The following SOX6 variants were observed in gnomAD, a reference collection of about 807,000 sequenced individuals.
The protein encoded by SOX6 is transcription factor SOX-6.
A neutral mutation model predicts 97.8 loss-of-function variants in SOX6; 11 were observed. The observed-to-expected ratio is 0.11, with a 90% CI of 0.07 to 0.19. The LOEUF is 0.19. Among genes scored for constraint, SOX6 ranks in the 10% least tolerant of loss-of-function variants. The probability of loss-of-function intolerance (pLI) is 1.00; values close to 1 mark genes in which losing one functional copy is unlikely to be tolerated. For synonymous variants in SOX6, 360 were observed against 371.4 expected, an observed-to-expected ratio of 0.97 and a Z score of 0.35; for missense variants, 810 against 1,039.5, an observed-to-expected ratio of 0.78 and a Z score of 3.04.
chr11:16,454,195 A>C (rs370678696), intron 1 of SOX6, among the ~76,000 whole-genome samples: 9 of 152,220 alleles, frequency 5.9e-5, no homozygotes, highest in Admixed American at 3.3e-4. Flanking sequence ...ATTATTTTTT[A>C]GCTCTCCAAG....
intron 3 of SOX6, among the ~76,000 whole-genome samples, chr11:16,651,677 G>A (rs1196740080): frequency 3.9e-5 from 6 of 152,104 alleles, no homozygotes; most frequent in African/African-American, 1.4e-4. Flanking sequence ...ATACTGAACA[G>A]GGAAAAATTG....
At chr11:15,980,618 G>C (rs1853626695) in intron 15 of SOX6, among the ~76,000 whole-genome samples, 1 of 151,902 alleles carries the variant, frequency 6.6e-6, no homozygotes, top group Non-Finnish European at 1.5e-5. Context: ...AAAGCCTTAG[G>C]CTGCTTCTTT....
At chr11:16,289,962 C>A (rs1001501845) in intron 3 of SOX6, among the ~76,000 whole-genome samples, 1 of 151,966 alleles carries the variant, frequency 6.6e-6, no homozygotes, top group Non-Finnish European at 1.5e-5. Flanking sequence ...GATATAAAGT[C>A]TTTTAACAAA....
At chr11:16,511,538 G>T (rs1860879901) in intron 4 of SOX6, among the ~76,000 whole-genome samples, 3 of 151,844 alleles carry the variant, frequency 2.0e-5, no homozygotes, top group Admixed American at 1.3e-4. Context: ...TTTTTTTAAT[G>T]TAGTACCTGA....
chr11:16,162,987 G>A (rs1408433396), intron 6 of SOX6, among the ~76,000 whole-genome samples: 1 of 151,802 alleles, frequency 6.6e-6, no homozygotes, highest in African/African-American at 2.4e-5. Context: ...ATTAAAGAAA[G>A]AAGAGAGTAG....
At chr11:16,110,764 C>A (rs1849210027) in intron 7 of SOX6, among the ~76,000 whole-genome samples, 1 of 152,144 alleles carries the variant, frequency 6.6e-6, no homozygotes, top group Non-Finnish European at 1.5e-5. Context: ...TGCTAAAATG[C>A]ACTAGGCTTG....
At chr11:16,040,202 C>T (rs1349525142) in intron 12 of SOX6, among the ~76,000 whole-genome samples, 1 of 151,956 alleles carries the variant, frequency 6.6e-6, no homozygotes, top group African/African-American at 2.4e-5. Flanking sequence ...ATTCCTACAC[C>T]TACACCTATC....
intron 4 of SOX6, among the ~76,000 whole-genome samples, chr11:16,233,430 T>A (rs1028042412): frequency 4.6e-5 from 7 of 152,172 alleles, no homozygotes; most frequent in Non-Finnish European, 1.0e-4. Context: ...ATTGGGATAG[T>A]CCACTTCTTA....
At chr11:16,594,907 G>T (rs935861297) in intron 4 of SOX6, among the ~76,000 whole-genome samples, 1 of 152,042 alleles carries the variant, frequency 6.6e-6, no homozygotes, top group East Asian at 1.9e-4. Context: ...TAGCCAGGAT[G>T]GTCTCAATCT....
intron 4 of SOX6, among the ~76,000 whole-genome samples, chr11:16,548,287 G>A (rs1439962747): frequency 1.3e-5 from 2 of 151,912 alleles, no homozygotes; most frequent in African/African-American, 4.8e-5. Flanking sequence ...TTCTTTAGAT[G>A]GAAAAAAAAT....
intron 3 of SOX6, among the ~76,000 whole-genome samples, chr11:16,260,899 G>C (rs1024534029): frequency 2.2e-4 from 34 of 151,950 alleles, no homozygotes; most frequent in African/African-American, 8.0e-4. Context: ...CAGTCTTATT[G>C]TACTGAAATT....
intron 1 of SOX6, among the ~76,000 whole-genome samples, chr11:16,473,614 T>G (rs1014002137): frequency 6.6e-6 from 1 of 150,530 alleles, no homozygotes; most frequent in Admixed American, 6.7e-5. Flanking sequence ...TGCAGTGGCA[T>G]GATCTTGGCT....
intron 1 of SOX6, among the ~76,000 whole-genome samples, chr11:16,737,310 G>T (rs1848399058): frequency 1.3e-5 from 2 of 152,096 alleles, no homozygotes; most frequent in Non-Finnish European, 1.5e-5. Context: ...GGGTTCAAGC[G>T]ATTCTCCTGC....
At chr11:16,361,702 A>G (rs1590158490) in intron 1 of SOX6, among the ~76,000 whole-genome samples, 1 of 152,164 alleles carries the variant, frequency 6.6e-6, no homozygotes, top group African/African-American at 2.4e-5. Flanking sequence ...ACTGACACAC[A>G]ACAGCTGTTT....
intron 4 of SOX6, among the ~76,000 whole-genome samples, chr11:16,556,444 C>T (rs1196797241): frequency 6.6e-6 from 1 of 151,744 alleles, no homozygotes; most frequent in African/African-American, 2.4e-5. Context: ...GCTTCAACTT[C>T]GTCCCTTGGC....
chr11:16,064,402 A>C (rs1453937991), intron 9 of SOX6, among the ~76,000 whole-genome samples: 3 of 151,458 alleles, frequency 2.0e-5, no homozygotes, highest in African/African-American at 7.3e-5. Context: ...TAATTTATTA[A>C]GTAGCCTACC....
chr11:16,422,302 G>T (rs1158639838), intron 1 of SOX6, among the ~76,000 whole-genome samples: 2 of 152,108 alleles, frequency 1.3e-5, no homozygotes, highest in Non-Finnish European at 2.9e-5. Flanking sequence ...GATATAAGCT[G>T]CTATAATTAT....
chr11:16,730,820 G>T (rs1003092183), intron 2 of SOX6, among the ~76,000 whole-genome samples: 5 of 151,992 alleles, frequency 3.3e-5, no homozygotes, highest in Admixed American at 6.6e-5. Flanking sequence ...CTGATTTTTT[G>T]AAAAGATCAA....
chr11:16,199,367 A>AT (rs974447122), intron 4 of SOX6, among the ~76,000 whole-genome samples: 2 of 152,248 alleles, frequency 1.3e-5, no homozygotes, highest in Non-Finnish European at 2.9e-5. Context: ...AGCATTTCGC[A>AT]TTTTTTCTCT....
Sources: gnomAD v4.1 joint callset for allele counts (sites outside exome capture counted in the v4.1 genomes callset) on GRCh38, gnomAD v4.1.1 for gene constraint, MANE v1.5 for transcripts, NCBI Gene and HGNC (gene_info 2026-07-23, HGNC 2026-07-21) for gene names.